GPT2: variants seen among roughly 807,000 people sequenced by gnomAD.
The protein encoded by GPT2 is glutamic--pyruvic transaminase 2, also known as alanine aminotransferase 2.
In GPT2, 30 loss-of-function variants were observed where a neutral mutation model predicts 56.9. The ratio of observed to expected loss-of-function variants is 0.53; its 90% CI spans 0.39 to 0.72. The LOEUF is 0.72. Among genes scored for constraint, GPT2 ranks in the 30% least tolerant of loss-of-function variants. GPT2 has a pLI of 0.00. For synonymous variants in GPT2, 271 were observed against 283.1 expected (o/e 0.96, Z 0.43); for missense variants, 542 against 703.4 (o/e 0.77, Z 2.60).
intron 2 of GPT2, chr16:46,885,474 G>T: frequency 1.0e-6 from 1 of 985,384 alleles, no homozygotes; most frequent in South Asian, 4.7e-5. Context: ...TAGGGTCTTT[G>T]CCAATCCTGA....
At chr16:46,896,194 G>A (rs990409005) in intron 2 of GPT2, among the ~76,000 whole-genome samples, 1 of 152,224 alleles carries the variant, frequency 6.6e-6, no homozygotes, top group African/African-American at 2.4e-5. Flanking sequence ...CCTTGAACCT[G>A]TTGTTGACTG....
intron 3 of GPT2, 91 bp from the exon 4 acceptor site, chr16:46,900,591 G>A: frequency 1.0e-6 from 1 of 955,926 alleles, no homozygotes; most frequent in East Asian, 2.4e-5. Context: ...CCCATCCCTG[G>A]GAGCTGTCAT....
chr16:46,919,206 G>A (rs931940524), intron 8 of GPT2, among the ~76,000 whole-genome samples: 11 of 152,222 alleles, frequency 7.2e-5, no homozygotes, highest in Non-Finnish European at 1.5e-4. Flanking sequence ...TTCAGCTAAT[G>A]TTTACTGAGC....
At position 46,918,908 on chromosome 16, in the gene GPT2, C is replaced by T. The variant is rs937097185; in HGVS notation, c.1037+151C>T. The T allele has an allele frequency of 1.9e-5, 18 of 967,514 alleles. 1 individual carries two copies. Among genetic ancestry groups the T allele is most frequent in the South Asian group, 6.5e-5 (4 of 61,594 alleles). The allele number at this position is 967,514 out of a possible 1,614,324, so 59.9% of individuals were successfully genotyped here. On this transcript the variant is annotated intron_variant, in intron 8 of 11. Transcript: ENST00000340124. ...TGCTGCATCTCCCCAGTGGGAGAGCCGTGGTGTGAGAACAGCCCTGGTACA... is the reference window on the plus strand; with the variant it reads ...TGCTGCATCTCCCCAGTGGGAGAGCTGTGGTGTGAGAACAGCCCTGGTACA...
At position 46,900,736 on chromosome 16, in the gene GPT2, G is replaced by T; in HGVS notation, c.388G>T (p.Asp130Tyr). Residue 130 changes from aspartate to tyrosine, a missense_variant, in exon 4 of 12, where the codon GAT becomes TAT. Coordinates refer to ENST00000340124, the MANE Select transcript of GPT2 (RefSeq NM_133443.4). ...GCTGGACAGCCCCAGCTTCCCAGAAGATGCTAAGAAACGTGCCCGGCGGAT... is the reference window on the plus strand; with the variant it reads ...GCTGGACAGCCCCAGCTTCCCAGAATATGCTAAGAAACGTGCCCGGCGGAT... ...NLLDSPSFPEDAKKRARRILQ... is the reference protein window; with the variant it reads ...NLLDSPSFPEYAKKRARRILQ... 6.2e-7 allele frequency: 1 copy of T among 1,614,132 alleles called. No individual in the cohort carries two copies. Among genetic ancestry groups the T allele is most frequent in the Non-Finnish European group, 8.5e-7 (1 of 1,179,984 alleles).
At chr16:46,921,129 TC>T (rs1241436799) in intron 8 of GPT2, among the ~76,000 whole-genome samples, 17 of 152,218 alleles carry the variant, frequency 1.1e-4, no homozygotes, top group Non-Finnish European at 1.9e-4. Context: ...CTTTGCCAGT[TC>T]CGTTCAGCAG....
At chr16:46,888,738 C>T (rs1960530735) in intron 2 of GPT2, among the ~76,000 whole-genome samples, 1 of 152,146 alleles carries the variant, frequency 6.6e-6, no homozygotes, top group South Asian at 2.1e-4. Context: ...CAGCCTTGAA[C>T]TCCTGGGCTC....
At chr16:46,909,440 C>T (rs1188810575) in intron 5 of GPT2, among the ~76,000 whole-genome samples, 3 of 152,030 alleles carry the variant, frequency 2.0e-5, no homozygotes, top group South Asian at 2.1e-4. Context: ...CGTGAGCCAC[C>T]GTGCCCAGCC....
At chr16:46,922,152 TG>T in intron 8 of GPT2, 89 bp from the exon 9 acceptor site, 1 of 1,265,896 alleles carries the variant, frequency 7.9e-7, no homozygotes, top group Non-Finnish European at 1.1e-6. Context: ...GTGTTGGGTG[TG>T]GGAATGCTTT....
At chr16:46,893,515 G>C (rs1414297766) in intron 2 of GPT2, among the ~76,000 whole-genome samples, 1 of 152,192 alleles carries the variant, frequency 6.6e-6, no homozygotes, top group African/African-American at 2.4e-5. Flanking sequence ...GTTCCCTTCC[G>C]TGGGCCGCCT....
chr16:46,922,329 G>C lies in GPT2; in HGVS notation c.1125G>C (p.Leu375=). 1.2e-6 allele frequency: 2 copies of C among 1,614,158 alleles called. No homozygotes were observed. The highest frequency in any genetic ancestry group is 1.7e-6 in the Non-Finnish European group (2 of 1,180,024). ...TGGTGAAGCTGCTGTCGGTGCGCCT[G>C]TGCCCCCCAGTGTCTGGGCAGGCCG... ...GQLVKLLSVR[L]CPPVSGQAAM... is the part of the protein sequence containing the mutation. The change falls in exon 9 of 12, where the codon CTG becomes CTC. Residue 375 remains leucine (L), a synonymous_variant. Transcript: ENST00000340124.
Position 46,897,559 on chromosome 16 carries a change from A to G in GPT2, c.244-89A>G, listed in dbSNP as rs1960705547. On this transcript the variant is annotated intron_variant, in intron 2 of 11. Transcript: ENST00000340124. ...GGTAAGCCTCAAAATAGGGCTGTTT[A>G]TTAATATCCTGCGGGAACCTTGCCT... 8 of 1,216,714 alleles carry G rather than the reference A, an allele frequency of 6.6e-6. No individual in the cohort carries two copies. The East Asian group carries it at 1.6e-4, about 25-fold the overall frequency. 75.4% of individuals were successfully genotyped at this position (1,216,714 alleles called of 1,614,324 possible). A position where few individuals can be genotyped will look rare whatever the true frequency, so the allele number is the denominator to read the frequency against.
chr16:46,903,724 T>A (rs1329450236), intron 4 of GPT2, among the ~76,000 whole-genome samples: 2 of 152,190 alleles, frequency 1.3e-5, no homozygotes, highest in African/African-American at 2.4e-5. Context: ...TGTGCCCTTG[T>A]CAAGCCCCTC....
At position 46,884,872 on chromosome 16, in the gene GPT2, A is replaced by C; in HGVS notation, c.157A>C (p.Met53Leu). The part of the protein sequence containing the change: ...RRERILTLES[M>L]NPQVKAVEYA... ...CGAGCGCATCCTCACGCTGGAGTCC[A>C]TGAACCCGCAGGTGAAGGCGGTGGA... Residue 53 changes from methionine (M) to leucine (L), a missense_variant, in exon 2 of 12, where the codon ATG (methionine) becomes CTG (leucine). Physicochemically the swap from Met to Leu is conservative, Grantham distance 15. Coordinates refer to ENST00000340124, the MANE Select transcript of GPT2 (RefSeq NM_133443.4). The C allele has an allele frequency of 6.5e-7, 1 of 1,544,622 alleles. No homozygotes were observed. Among genetic ancestry groups the C allele is most frequent in the Non-Finnish European group, 8.7e-7 (1 of 1,145,132 alleles).
At chr16:46,894,730 A>G (rs1222465624) in intron 2 of GPT2, among the ~76,000 whole-genome samples, 2 of 151,918 alleles carry the variant, frequency 1.3e-5, no homozygotes, top group South Asian at 2.1e-4. Context: ...CAGTGGCGAA[A>G]TCTCGGCTCA....
chr16:46,898,820 G>T (rs974454499), intron 3 of GPT2, among the ~76,000 whole-genome samples: 1 of 149,748 alleles, frequency 6.7e-6, no homozygotes, highest in Non-Finnish European at 1.5e-5. Flanking sequence ...AAAGTGCTGC[G>T]ATTACAGGCG....
At chr16:46,927,062 G>A (rs756816612) in intron 11 of GPT2, 25 bp downstream of exon 11, 1 of 1,422,742 alleles carries the variant, frequency 7.0e-7, no homozygotes, top group Admixed American at 2.0e-5. Context: ...CCGCACTAGG[G>A]GCTGGTCCGG....
intron 2 of GPT2, among the ~76,000 whole-genome samples, chr16:46,897,028 C>CT (rs1292488765): frequency 6.6e-6 from 1 of 152,188 alleles, no homozygotes; most frequent in African/African-American, 2.4e-5. Flanking sequence ...CACCACTGCA[C>CT]TTCAGCCTGA....
chr16:46,924,141 C>T (rs535571234), intron 9 of GPT2: 1 of 531,380 alleles, frequency 1.9e-6, no homozygotes, highest in East Asian at 3.7e-5. Flanking sequence ...CTTCTTTGGT[C>T]AGTCTGTCTG....
Sources: gnomAD v4.1 joint callset for allele counts (sites outside exome capture counted in the v4.1 genomes callset) on GRCh38, gnomAD v4.1.1 for gene constraint, MANE v1.5 for transcripts, NCBI Gene and HGNC (gene_info 2026-07-23, HGNC 2026-07-21) for gene names.